KIF21B: variants seen among roughly 807,000 people sequenced by gnomAD.
KIF21B encodes the protein kinesin family member 21B.
A neutral mutation model predicts 192.9 loss-of-function variants in KIF21B; 85 were observed. The ratio of observed to expected loss-of-function variants is 0.44; its 90% CI spans 0.37 to 0.53. The LOEUF (loss-of-function observed/expected upper bound fraction) is 0.53. Ranked by LOEUF, KIF21B falls within the 20% of genes least tolerant of loss-of-function variation. The probability of loss-of-function intolerance (pLI) is 0.00; values close to 1 mark genes in which losing one functional copy is unlikely to be tolerated. For synonymous variants in KIF21B, 832 were observed against 884.6 expected, an observed-to-expected ratio of 0.94 and a Z score of 1.05; for missense variants, 1,716 against 2,194.8, an observed-to-expected ratio of 0.78 and a Z score of 4.36.
intron 15 of KIF21B, among the ~76,000 whole-genome samples, chr1:200,992,825 G>A (rs1656792900): frequency 6.6e-6 from 1 of 152,220 alleles, no homozygotes; most frequent in Non-Finnish European, 1.5e-5. Context: ...TCATGGCCAG[G>A]CTCACAGTGA....
At position 201,009,427 on chromosome 1, in the gene KIF21B, G is replaced by T; in HGVS notation, c.103C>A (p.Pro35Thr). Residue 35 changes from proline to threonine, a missense_variant, in exon 2 of 35, where the codon CCG becomes ACG. Coordinates refer to ENST00000461742, the MANE Select transcript of KIF21B (RefSeq NM_001252102.2). ...EGCHICTSVTPGEPQVLLGKD... is the reference protein window; with the variant it reads ...EGCHICTSVTTGEPQVLLGKD... ...CCCAGCAGGACCTGGGGCTCTCCCG[G>T]GGTAACAGAGGTACAGATGTGACAG... is the stretch of plus-strand genomic sequence containing the variant. 6.2e-7 allele frequency: 1 copy of T among 1,614,260 alleles called. No individual in the cohort carries two copies. The highest frequency in any genetic ancestry group is 8.5e-7 in the Non-Finnish European group (1 of 1,180,054).
chr1:200,977,718 T>C (rs1334152008), intron 30 of KIF21B, among the ~76,000 whole-genome samples: 1 of 151,022 alleles, frequency 6.6e-6, no homozygotes, highest in Non-Finnish European at 1.5e-5. Flanking sequence ...GAGGTGATTA[T>C]ATCCATTCTG....
intron 30 of KIF21B, among the ~76,000 whole-genome samples, chr1:200,977,585 G>A (rs2102376302): frequency 6.6e-6 from 1 of 152,272 alleles, no homozygotes; most frequent in Middle Eastern, 3.4e-3. Flanking sequence ...CTCCCCATGT[G>A]GCCTGCCCAT....
intron 27 of KIF21B, among the ~76,000 whole-genome samples, chr1:200,983,673 C>T (rs1656101472): frequency 1.3e-5 from 2 of 152,208 alleles, no homozygotes; most frequent in African/African-American, 4.8e-5. Context: ...CCAAGGCCTC[C>T]AGAAGACCAT....
In KIF21B at chr1:200,994,234, T is replaced by A. The variant is rs182067289; in HGVS notation, c.2278-1845A>T. Among the ~76,000 whole-genome samples, 1,067 of 152,302 alleles carry A rather than the reference T, an allele frequency of 7.0e-3. 19 individuals carry two copies. The highest frequency in any genetic ancestry group is 0.025 in the African/African-American group (1,029 of 41,562). On this transcript the variant is annotated intron_variant, in intron 15 of 34. Coordinates refer to ENST00000461742, the MANE Select transcript of KIF21B (RefSeq NM_001252102.2). Reference sequence around the variant, plus strand: ...CATGCCACGGTACCCGAGACCAGCATCACTTCGCAGGTTTAAGGTAGAAGG... The same window carrying A: ...CATGCCACGGTACCCGAGACCAGCAACACTTCGCAGGTTTAAGGTAGAAGG...
intron 1 of KIF21B, among the ~76,000 whole-genome samples, chr1:201,014,526 G>C (rs962560828): frequency 6.6e-6 from 1 of 152,232 alleles, no homozygotes; most frequent in African/African-American, 2.4e-5. Context: ...ATCTGGGCAC[G>C]TGCTGGGAGC....
At chr1:201,008,605 T>C (rs1658050281) in intron 3 of KIF21B, among the ~76,000 whole-genome samples, 164 bp downstream of exon 3, 1 of 152,134 alleles carries the variant, frequency 6.6e-6, no homozygotes, top group African/African-American at 2.4e-5. Flanking sequence ...CACCAAGTAG[T>C]CCTCCAGCCC....
At chr1:200,974,078 G>A (rs753079033) in intron 34 of KIF21B, 12 of 1,611,534 alleles carry the variant, frequency 7.4e-6, no homozygotes, top group African/African-American at 1.3e-5. Context: ...AGAGGAGACA[G>A]GGAGAGTTGG....
At position 201,021,849 on chromosome 1, in the gene KIF21B, T is replaced by A. The variant is rs962797433; in HGVS notation, c.41+1494A>T. On this transcript the variant is annotated intron_variant, in intron 1 of 34. Transcript: ENST00000461742. ...TTATGGTGTTCTCGGACTCTCCCAA[T>A]CTGCTGCAGATGCCATATTTACATT... Among the ~76,000 whole-genome samples the A allele has an allele frequency of 2.7e-4, 41 of 152,084 alleles. 1 individual carries two copies. The highest frequency in any genetic ancestry group is 2.2e-4 in the Non-Finnish European group (15 of 67,998).
In KIF21B at chr1:200,998,801, AG is replaced by A. The variant is rs1041530480; in HGVS notation, c.1886-227del. ...GGCAAGGTAGGGCTCAGGAGCTGGC[AG>A]GGGGGATCTACACGTCCTTCCCAGC... On this transcript the variant is annotated intron_variant, in intron 13 of 34. Transcript: ENST00000461742. This position sits in a 1 kb window ranked among gnomAD's most constrained non-coding sequence, Gnocchi z 4.3. Among the ~76,000 whole-genome samples the A allele has an allele frequency of 1.9e-4, 27 of 139,670 alleles. No individual in the cohort carries two copies. The highest frequency in any genetic ancestry group is 1.7e-3 in the Admixed American group (24 of 14,112). 91.6% of individuals were successfully genotyped at this position (139,670 alleles called of 152,430 possible). A position where few individuals can be genotyped will look rare whatever the true frequency, so the allele number is the denominator to read the frequency against.
chr1:200,999,885 C>T lies in KIF21B; in HGVS notation c.1765G>A (p.Glu589Lys), dbSNP rs1336287498. The change falls in exon 12 of 35, where the codon GAG becomes AAG. Residue 589 changes from glutamate (E) to lysine (K), a missense_variant and splice_region_variant. Physicochemically the swap from Glu to Lys is moderately conservative, Grantham distance 56. Coordinates refer to ENST00000461742, the MANE Select transcript of KIF21B (RefSeq NM_001252102.2). This position sits in a 1 kb window ranked among gnomAD's most constrained non-coding sequence, Gnocchi z 4.7. Reference sequence around the variant, plus strand: ...GTGGGGCGGCCCGTGCTCCTCACCTCCTCCGCCTCGTTCTCATCCGTCTCC... The same window carrying T: ...GTGGGGCGGCCCGTGCTCCTCACCTTCTCCGCCTCGTTCTCATCCGTCTCC... ...SEETDENEAEEEEEERDESGC... is the reference protein window; with the variant it reads ...SEETDENEAEKEEEERDESGC... 1 of 1,613,750 alleles carries T rather than the reference C, an allele frequency of 6.2e-7. No individual in the cohort carries two copies.
At position 200,982,316 on chromosome 1, in the gene KIF21B, C is replaced by T. The variant is rs115522511; in HGVS notation, c.3842+740G>A. Among the ~76,000 whole-genome samples, 2,432 of 152,272 alleles carry T rather than the reference C, an allele frequency of 0.016. 72 individuals are homozygous for T. Among genetic ancestry groups the T allele is most frequent in the African/African-American group, 0.054 (2,264 of 41,542 alleles). Reference sequence around the variant, plus strand: ...TCATGATTCACAGTAAACCAGTTGTCGACACTCAGGGCTGGAGGCTCGAGG... The same window carrying T: ...TCATGATTCACAGTAAACCAGTTGTTGACACTCAGGGCTGGAGGCTCGAGG... On this transcript the variant is annotated intron_variant, in intron 28 of 34. Transcript: ENST00000461742. The surrounding 1 kb of genome is among the most constrained non-coding windows in gnomAD (Gnocchi z 4.7).
chr1:201,000,504 G>A lies in KIF21B; in HGVS notation c.1571C>T (p.Pro524Leu), dbSNP rs1380566315. ...GCTGGCAGGGCTGCCCCCGAAGGCC[G>A]GGGCGGCTGGAGAAGCACCCAGGGA... The part of the protein sequence containing the change: ...PYSLGASPAA[P>L]AFGGSPASSM... The change falls in exon 11 of 35, where the codon CCG (proline) becomes CTG (leucine). Residue 524 changes from proline to leucine, a missense_variant. Physicochemically the swap from Pro to Leu is moderately conservative, Grantham distance 98. Transcript: ENST00000461742. The surrounding 1 kb of genome is among the most constrained non-coding windows in gnomAD (Gnocchi z 6.0). 2 of 1,609,942 alleles carry A rather than the reference G, an allele frequency of 1.2e-6. No homozygotes were observed. Among genetic ancestry groups the A allele is most frequent in the Non-Finnish European group, 1.7e-6 (2 of 1,177,648 alleles).
At chr1:200,983,224 A>G in intron 27 of KIF21B, 130 bp from the exon 28 acceptor site, 1 of 778,054 alleles carries the variant, frequency 1.3e-6, no homozygotes, top group South Asian at 1.5e-5. Flanking sequence ...AGAGACAGGC[A>G]GAGGAATGAG....
chr1:201,002,394 C>A (rs1225055525), intron 8 of KIF21B, 44 bp from the exon 9 acceptor site: 6 of 1,576,160 alleles, frequency 3.8e-6, no homozygotes, highest in African/African-American at 2.7e-5. Flanking sequence ...GCAGAGCTCG[C>A]GGTTGGGGGG....
Position 200,988,328 on chromosome 1 carries a change from C to T in KIF21B, c.3376G>A (p.Gly1126Ser), listed in dbSNP as rs1382480222. 1.9e-6 allele frequency: 3 copies of T among 1,614,032 alleles called. No homozygotes were observed. The Admixed American group carries it at 5.0e-5, about 27-fold the overall frequency. The change falls in exon 24 of 35, where the codon GGC becomes AGC. Residue 1126 changes from glycine (G) to serine (S), a missense_variant. Physicochemically the swap from Gly to Ser is moderately conservative, Grantham distance 56 (BLOSUM62 0). This residue lies in a region of KIF21B where 580 missense variants were observed against 775.5 expected (regional missense o/e 0.75). Coordinates refer to ENST00000461742, the MANE Select transcript of KIF21B (RefSeq NM_001252102.2). Reference protein sequence around the residue: ...GSFSQSFTMKGSTSHDDFKFK... With the variant: ...GSFSQSFTMKSSTSHDDFKFK... Reference sequence around the variant, plus strand: ...TTGAAATCGTCATGGCTGGTGGAGCCTTTCATGGTGAATGACTGGGAGAAG... The same window carrying T: ...TTGAAATCGTCATGGCTGGTGGAGCTTTTCATGGTGAATGACTGGGAGAAG...
Position 201,011,499 on chromosome 1 carries a change from A to T in KIF21B, c.42-2011T>A, listed in dbSNP as rs1012652591. Among the ~76,000 whole-genome samples the T allele has an allele frequency of 5.3e-5, 8 of 152,360 alleles. No homozygotes were observed. The South Asian group carries it at 1.2e-3, about 24-fold the overall frequency. On this transcript the variant is annotated intron_variant, in intron 1 of 34. Coordinates refer to ENST00000461742, the MANE Select transcript of KIF21B (RefSeq NM_001252102.2). The stretch of plus-strand genomic sequence containing the variant: ...TGCCCTTTCAATGGTCTTATGCTAC[A>T]CCGTCTCTAAAGACCAGGGTTCAGA...
rs1215234239 is a variant in KIF21B, at chr1:201,009,265, C to A, written c.264+1G>T. On this transcript the variant is annotated splice_donor_variant, in intron 2 of 34. Transcript: ENST00000461742. LOFTEE classifies it high-confidence loss of function. ...CATAGGTGGGCGTGAAGATGGCTTA[C>A]CTGCCCATAGGCCAGCACCGTGGCA... 6.2e-7 allele frequency: 1 copy of A among 1,613,822 alleles called. No individual in the cohort carries two copies.
chr1:201,012,341 G>T (rs1658283776), intron 1 of KIF21B, among the ~76,000 whole-genome samples: 1 of 152,186 alleles, frequency 6.6e-6, no homozygotes, highest in African/African-American at 2.4e-5. Context: ...CCTGGAAGAG[G>T]GAGAGACTGT....
Sources: gnomAD v4.1 joint callset for allele counts (sites outside exome capture counted in the v4.1 genomes callset) on GRCh38, gnomAD v4.1.1 for gene constraint, gnomAD v4.1.1 regional missense constraint, Gnocchi (gnomAD v3.1) non-coding constraint, MANE v1.5 for transcripts, NCBI Gene and HGNC (gene_info 2026-07-23, HGNC 2026-07-21) for gene names.